The following BCAS1 variants were observed in gnomAD, a reference collection of about 807,000 sequenced individuals.
BCAS1 encodes breast carcinoma-amplified sequence 1.
Under a neutral mutation model 65.4 loss-of-function variants are expected in BCAS1, and 46 were observed. That is an observed-to-expected ratio of 0.70 (90% CI 0.55 to 0.90). The LOEUF (loss-of-function observed/expected upper bound fraction) is 0.90. Among genes scored for constraint, BCAS1 ranks in the 40% least tolerant of loss-of-function variants. The pLI, the probability that BCAS1 is intolerant of heterozygous loss-of-function variation, is 0.00. For missense variants in BCAS1, 793 were observed against 771.2 expected (o/e 1.03, Z -0.33); for synonymous variants, 298 against 293.5 (o/e 1.02, Z -0.16).
intron 12 of BCAS1, among the ~76,000 whole-genome samples, chr20:53,945,470 G>A (rs560601781): frequency 5.9e-5 from 9 of 151,954 alleles, no homozygotes; most frequent in African/African-American, 1.7e-4. Flanking sequence ...TGTTACATAT[G>A]TATACATGTG....
intron 1 of BCAS1, among the ~76,000 whole-genome samples, chr20:54,062,138 T>G (rs1315118434): frequency 6.6e-6 from 1 of 152,188 alleles, no homozygotes; most frequent in Non-Finnish European, 1.5e-5. Context: ...AACAGACACC[T>G]ATGGCCTGCA....
At chr20:53,973,860 G>A (rs568891072) in intron 9 of BCAS1, among the ~76,000 whole-genome samples, 1 of 152,208 alleles carries the variant, frequency 6.6e-6, no homozygotes, top group Non-Finnish European at 1.5e-5. Flanking sequence ...CAGATTTTGA[G>A]AGGTGAAGCC....
At position 53,989,320 on chromosome 20, in the gene BCAS1, G is replaced by T. The variant is rs1477638; in HGVS notation, c.1062+3192C>A. Among the ~76,000 whole-genome samples, 1,368 of 152,186 alleles carry T rather than the reference G, an allele frequency of 9.0e-3. 6 individuals are homozygous for T. The highest frequency in any genetic ancestry group is 0.014 in the Non-Finnish European group (981 of 68,008). On this transcript the variant is annotated intron_variant, in intron 7 of 12. Coordinates refer to ENST00000688948, the MANE Select transcript of BCAS1 (RefSeq NM_001366298.2). The stretch of plus-strand genomic sequence containing the variant: ...CCCTTCAAAAACATTACAAGGGCAT[G>T]ACCCTACTACAGTTATAGTAACTAT...
intron 4 of BCAS1, among the ~76,000 whole-genome samples, chr20:54,005,929 A>G (rs879666599): frequency 3.3e-5 from 5 of 152,092 alleles, no homozygotes; most frequent in Admixed American, 2.6e-4. Flanking sequence ...CAGCAGAGGT[A>G]TGGGGGTTAT....
chr20:53,970,150 G>C (rs2090142573), intron 9 of BCAS1, among the ~76,000 whole-genome samples: 1 of 152,190 alleles, frequency 6.6e-6, no homozygotes, highest in Admixed American at 6.5e-5. Context: ...CAGATTGTAT[G>C]GCAATAACTC....
chr20:54,015,640 C>T (rs1252250966), intron 4 of BCAS1, among the ~76,000 whole-genome samples: 1 of 152,160 alleles, frequency 6.6e-6, no homozygotes, highest in African/African-American at 2.4e-5. Flanking sequence ...GATGATTACA[C>T]ATTAGCTATA....
At chr20:53,974,999 A>G (rs775041471) in intron 9 of BCAS1, among the ~76,000 whole-genome samples, 9 of 152,174 alleles carry the variant, frequency 5.9e-5, no homozygotes, top group African/African-American at 2.2e-4. Context: ...GGTACCGCCC[A>G]AAGTTAGTAA....
chr20:54,064,705 C>T (rs749826200), intron 1 of BCAS1, among the ~76,000 whole-genome samples: 4 of 152,172 alleles, frequency 2.6e-5, no homozygotes, highest in Non-Finnish European at 5.9e-5. Flanking sequence ...GACAGGCATC[C>T]GTAAAATCCC....
At chr20:54,068,100 C>G (rs372088524) in intron 1 of BCAS1, among the ~76,000 whole-genome samples, 2 of 152,200 alleles carry the variant, frequency 1.3e-5, no homozygotes, top group South Asian at 4.1e-4. Context: ...CAAGGGGACA[C>G]AGGGAACTGA....
chr20:54,056,335 C>T (rs6097750), intron 3 of BCAS1, among the ~76,000 whole-genome samples: 7 of 152,200 alleles, frequency 4.6e-5, no homozygotes, highest in Admixed American at 2.6e-4. Context: ...GGCCATTATC[C>T]TAAGTGAAGC....
At chr20:54,057,990 A>G in intron 3 of BCAS1, 95 bp downstream of exon 3, 1 of 949,980 alleles carries the variant, frequency 1.1e-6, no homozygotes, top group East Asian at 2.6e-5. Flanking sequence ...TGCGGCTTCG[A>G]CCCTTTCATT....
intron 3 of BCAS1, among the ~76,000 whole-genome samples, chr20:54,055,143 A>C (rs1451824914): frequency 1.3e-5 from 2 of 152,208 alleles, no homozygotes; most frequent in Admixed American, 6.5e-5. Flanking sequence ...CATATTAAAC[A>C]TAAGAAGATA....
At chr20:54,064,152 C>T (rs1036181691) in intron 1 of BCAS1, among the ~76,000 whole-genome samples, 1 of 152,242 alleles carries the variant, frequency 6.6e-6, no homozygotes, top group Non-Finnish European at 1.5e-5. Context: ...ATGTGAGAAC[C>T]TCCCACAGAG....
chr20:54,047,489 A>G (rs541756987), intron 3 of BCAS1, among the ~76,000 whole-genome samples: 1 of 152,376 alleles, frequency 6.6e-6, no homozygotes, highest in South Asian at 2.1e-4. Flanking sequence ...TTTGGTGAGA[A>G]AAAGCACTGA....
chr20:54,021,649 A>G (rs2091562038), intron 4 of BCAS1, among the ~76,000 whole-genome samples: 1 of 152,014 alleles, frequency 6.6e-6, no homozygotes, highest in Non-Finnish European at 1.5e-5. Flanking sequence ...CAAACACCGC[A>G]TGTTCTCACT....
At chr20:54,030,694 G>A (rs542864855) in intron 3 of BCAS1, among the ~76,000 whole-genome samples, 7 of 151,278 alleles carry the variant, frequency 4.6e-5, no homozygotes, top group East Asian at 1.9e-4. Context: ...AACAAAAAAG[G>A]GGGGAGAGTG....
chr20:54,056,316 G>A (rs2076444437), intron 3 of BCAS1, among the ~76,000 whole-genome samples: 1 of 152,108 alleles, frequency 6.6e-6, no homozygotes, highest in African/African-American at 2.4e-5. Flanking sequence ...CAACGTGGAT[G>A]GAACTGGAGG....
At chr20:54,000,917 C>T (rs1259056982) in intron 4 of BCAS1, among the ~76,000 whole-genome samples, 1 of 152,102 alleles carries the variant, frequency 6.6e-6, no homozygotes, top group South Asian at 2.1e-4. Flanking sequence ...TATTTTTTTG[C>T]CAATTCTAAC....
At position 54,012,060 on chromosome 20, in the gene BCAS1, C is replaced by T. The variant is rs1456889434; in HGVS notation, c.724-16010G>A. On this transcript the variant is annotated intron_variant, in intron 4 of 12. Transcript: ENST00000688948. ...ACAGCATGGGATACTACTTGGCAGT[C>T]GAAAAGGACCAATATCTACCAAGAC... Among the ~76,000 whole-genome samples, 3 of 152,084 alleles carry T rather than the reference C, an allele frequency of 2.0e-5. 1 individual carries two copies. The highest frequency in any genetic ancestry group is 3.9e-4 in the East Asian group (2 of 5,182).
Sources: gnomAD v4.1 joint callset for allele counts (sites outside exome capture counted in the v4.1 genomes callset) on GRCh38, gnomAD v4.1.1 for gene constraint, MANE v1.5 for transcripts, NCBI Gene and HGNC (gene_info 2026-07-23, HGNC 2026-07-21) for gene names.